The following MARVELD2 variants were observed in gnomAD, a reference collection of about 807,000 sequenced individuals.
MARVELD2 encodes the protein MARVEL domain-containing protein 2.
MARVELD2 carries 49 observed loss-of-function variants against 57.6 expected under a neutral mutation model. The ratio of observed to expected loss-of-function variants is 0.85; its 90% CI spans 0.68 to 1.08. The LOEUF is 1.08. Among genes scored for constraint, MARVELD2 ranks in the 50% least tolerant of loss-of-function variants. MARVELD2 has a pLI of 0.00. For missense variants in MARVELD2, 606 were observed against 701.1 expected, an observed-to-expected ratio of 0.86 and a Z score of 1.53; for synonymous variants, 238 against 258.8, an observed-to-expected ratio of 0.92 and a Z score of 0.77.
chr5:69,433,434 G>A (rs1378390376), intron 5 of MARVELD2, among the ~76,000 whole-genome samples: 1 of 143,242 alleles, frequency 7.0e-6, no homozygotes, highest in African/African-American at 2.6e-5. Context: ...TTACAGTCAT[G>A]AGCCACCGCA....
At chr5:69,419,314 G>A in intron 1 of MARVELD2, 57 bp from the exon 2 acceptor site, 1 of 1,544,130 alleles carries the variant, frequency 6.5e-7, no homozygotes, top group Non-Finnish European at 8.9e-7. Context: ...AATAAAATCA[G>A]CATCATTGAG....
At chr5:69,431,104 C>CTTCTT (rs997189900) in intron 3 of MARVELD2, among the ~76,000 whole-genome samples, 9 of 150,156 alleles carry the variant, frequency 6.0e-5, no homozygotes, top group African/African-American at 2.0e-4. Flanking sequence ...CTCAACCTCA[C>CTTCTT]TTCTTTTCTT....
At chr5:69,435,892 C>T (rs540317179) in intron 5 of MARVELD2, among the ~76,000 whole-genome samples, 15 of 151,928 alleles carry the variant, frequency 9.9e-5, no homozygotes, top group African/African-American at 3.6e-4. Flanking sequence ...CATTTCATAT[C>T]AATCTTTTGT....
intron 5 of MARVELD2, among the ~76,000 whole-genome samples, chr5:69,436,294 G>T (rs972015867): frequency 6.6e-6 from 1 of 151,794 alleles, no homozygotes; most frequent in African/African-American, 2.4e-5. Flanking sequence ...CCGGGAGGCG[G>T]AGGTTGCAGT....
At chr5:69,423,751 G>A (rs1766700045) in intron 2 of MARVELD2, among the ~76,000 whole-genome samples, 1 of 152,262 alleles carries the variant, frequency 6.6e-6, no homozygotes, top group Middle Eastern at 3.4e-3. Context: ...GGGATTACAG[G>A]CATAAGCCAC....
chr5:69,434,524 A>G (rs553985404), intron 5 of MARVELD2, among the ~76,000 whole-genome samples: 57 of 151,884 alleles, frequency 3.8e-4, no homozygotes, highest in Non-Finnish European at 1.6e-4. Flanking sequence ...GGACACACAC[A>G]TCAGACAGGT....
intron 3 of MARVELD2, among the ~76,000 whole-genome samples, chr5:69,431,260 G>C (rs1478706617): frequency 6.6e-6 from 1 of 151,410 alleles, no homozygotes; most frequent in East Asian, 1.9e-4. Context: ...GATTACAGGC[G>C]CCCGCCACTA....
At chr5:69,416,248 G>A (rs1032666708) in intron 1 of MARVELD2, among the ~76,000 whole-genome samples, 2 of 152,156 alleles carry the variant, frequency 1.3e-5, no homozygotes, top group Admixed American at 1.3e-4. Flanking sequence ...AGTCGTAATA[G>A]CATTTCTAGA....
chr5:69,415,790 A>C (rs368882705), intron 1 of MARVELD2: 1 of 152,308 alleles, frequency 6.6e-6, no homozygotes, highest in African/African-American at 2.4e-5. Flanking sequence ...TTGCTGGGGC[A>C]GCCATTTCTC....
At chr5:69,433,943 AT>A (rs1383898539) in intron 5 of MARVELD2, among the ~76,000 whole-genome samples, 5 of 151,144 alleles carry the variant, frequency 3.3e-5, no homozygotes, top group Admixed American at 2.6e-4. Context: ...GCTTACCCAT[AT>A]TTTATTTTCT....
intron 4 of MARVELD2, 91 bp downstream of exon 4, chr5:69,432,766 CTG>C: frequency 1.3e-6 from 2 of 1,585,212 alleles, no homozygotes; most frequent in Admixed American, 1.7e-5. Context: ...AGTTAATACT[CTG>C]TGCTTAAAAT....
At chr5:69,424,543 T>A (rs1766724595) in intron 2 of MARVELD2, 58 bp from the exon 3 acceptor site, 12 of 1,435,136 alleles carry the variant, frequency 8.4e-6, no homozygotes, top group Non-Finnish European at 1.2e-5. Context: ...TGGATGAAAA[T>A]ATTTGCAAAG....
chr5:69,439,079 AAAG>A (rs1307657940), intron 5 of MARVELD2, among the ~76,000 whole-genome samples: 36 of 150,556 alleles, frequency 2.4e-4, no homozygotes, highest in South Asian at 2.1e-4. Context: ...AAAAAAAAAA[AAAG>A]AAGAAGAAAA....
In MARVELD2 at chr5:69,420,510, A is replaced by C. The variant is rs200492383; in HGVS notation, c.1125A>C (p.Arg375Ser). ...LWRHEAARRH[R>S]EYMEQQEINE... ...GGCATGAGGCAGCTCGGAGACATAG[A>C]GAATATATGGAACAACAGGAGGTAA... The change falls in exon 2 of 7, where the codon AGA becomes AGC. Residue 375 changes from arginine (R) to serine (S), a missense_variant. Physicochemically the swap from Arg to Ser is moderately radical, Grantham distance 110. Coordinates refer to ENST00000325631, the MANE Select transcript of MARVELD2 (RefSeq NM_001038603.3). 2.0e-5 allele frequency: 33 copies of C among 1,611,892 alleles called. No homozygotes were observed. Among genetic ancestry groups the C allele is most frequent in the Non-Finnish European group, 2.7e-5 (32 of 1,180,018 alleles).
In MARVELD2 at chr5:69,441,901, G is replaced by A; in HGVS notation, c.*247G>A. On this transcript the variant is annotated 3_prime_UTR_variant, in exon 7 of 7. Coordinates refer to ENST00000325631, the MANE Select transcript of MARVELD2 (RefSeq NM_001038603.3). ...GACGAGGTTTCACCATGTTGGTCAG[G>A]CTGGGAAACTACTTTTTTTAAAAAA... 1 of 284,914 alleles carries A rather than the reference G, an allele frequency of 3.5e-6. No individual in the cohort carries two copies. Among genetic ancestry groups the A allele is most frequent in the Non-Finnish European group, 6.7e-6 (1 of 149,858 alleles). 17.6% of individuals were successfully genotyped at this position (284,914 alleles called of 1,614,324 possible).
intron 5 of MARVELD2, among the ~76,000 whole-genome samples, chr5:69,439,015 A>G (rs7730350): frequency 0.5 from 73,700 of 148,456 alleles, 18,324 homozygotes; most frequent in South Asian, 0.54. Context: ...ACAGTGAGCT[A>G]TTACACCACT....
intron 3 of MARVELD2, among the ~76,000 whole-genome samples, chr5:69,425,021 T>TA (rs139330344): frequency 0.49 from 71,553 of 146,176 alleles, 17,429 homozygotes; most frequent in South Asian, 0.53. Flanking sequence ...TGAGACTGTT[T>TA]AAAAAAAGAA....
rs143508474 is a variant in MARVELD2, at chr5:69,424,624, G to C, written c.1170G>C (p.Ser390=). The change falls in exon 3 of 7, where the codon TCG becomes TCC. Residue 390 remains serine (S), a synonymous_variant. Transcript: ENST00000325631. ...AGATAAATGAGCCATCATTGTCATC[G>C]AAAAGGAAAATGGTAAGAATAAAGT... ...QQEINEPSLS[S]KRKMCEMATS... is the part of the protein sequence containing the mutation. 4 of 1,601,854 alleles carry C rather than the reference G, an allele frequency of 2.5e-6. No homozygotes were observed. In the African/African-American group the frequency reaches 4.0e-5, roughly 16 times the overall value.
At chr5:69,436,402 AACACAC>A (rs66984523) in intron 5 of MARVELD2, among the ~76,000 whole-genome samples, 3,749 of 123,810 alleles carry the variant, frequency 0.03, 74 homozygotes, top group East Asian at 0.059. Flanking sequence ...TATGTATGGG[AACACAC>A]ACACACACAC....
Sources: allele counts gnomAD v4.1 joint callset (sites outside exome capture counted in the v4.1 genomes callset), GRCh38; gene constraint gnomAD v4.1.1; transcripts MANE v1.5; gene names NCBI Gene and HGNC (gene_info 2026-07-23, HGNC 2026-07-21).